RBFOX1: variants seen among roughly 807,000 people sequenced by gnomAD.
RBFOX1 encodes RNA binding protein fox-1 homolog 1.
In RBFOX1, 8 loss-of-function variants were observed where a neutral mutation model predicts 57.7. The observed-to-expected ratio is 0.14, with a 90% confidence interval of 0.08 to 0.25. The LOEUF (loss-of-function observed/expected upper bound fraction) is 0.25. Ranked by LOEUF, RBFOX1 falls within the 10% of genes least tolerant of loss-of-function variation. The pLI is 1.00. For missense variants in RBFOX1, 611 were observed against 548.5 expected (o/e 1.11, Z -1.14); for synonymous variants, 326 against 222.4 (o/e 1.47, Z -4.15).
chr16:6,637,399 A>ATAT (rs2098452324), intron 2 of RBFOX1, among the ~76,000 whole-genome samples: 1 of 68,512 alleles, frequency 1.5e-5, no homozygotes, highest in African/African-American at 6.4e-5. Flanking sequence ...ATTATATATT[A>ATAT]AATATATATA....
intron 1 of RBFOX1, among the ~76,000 whole-genome samples, chr16:6,173,693 T>G (rs972297607): frequency 3.0e-5 from 4 of 132,136 alleles, no homozygotes; most frequent in Admixed American, 8.9e-5. Context: ...CACTGCAACC[T>G]CTGCCTCTCG....
chr16:7,504,130 C>T (rs1189666299), intron 4 of RBFOX1, among the ~76,000 whole-genome samples: 2 of 152,040 alleles, frequency 1.3e-5, no homozygotes, highest in African/African-American at 4.8e-5. Context: ...TGGGTTGGTA[C>T]AAATTTCTTC....
At chr16:7,552,094 T>G (rs1567791492) in intron 5 of RBFOX1, among the ~76,000 whole-genome samples, 1 of 152,222 alleles carries the variant, frequency 6.6e-6, no homozygotes, top group Non-Finnish European at 1.5e-5. Flanking sequence ...AGTCATTTTA[T>G]CTCATTCTCT....
intron 14 of RBFOX1, among the ~76,000 whole-genome samples, chr16:7,690,179 C>G (rs867012680): frequency 3.9e-5 from 6 of 152,186 alleles, no homozygotes; most frequent in African/African-American, 1.2e-4. Flanking sequence ...AGGCCCTACC[C>G]CAGATCAATT....
chr16:5,817,140 C>T (rs1052501296), intron 3 of RBFOX1, among the ~76,000 whole-genome samples: 4 of 152,148 alleles, frequency 2.6e-5, no homozygotes, highest in African/African-American at 4.8e-5. Flanking sequence ...TCCAATTCAG[C>T]GTCGTCTTGC....
At chr16:7,201,382 G>A (rs958708838) in intron 4 of RBFOX1, among the ~76,000 whole-genome samples, 8 of 152,124 alleles carry the variant, frequency 5.3e-5, no homozygotes, top group African/African-American at 1.9e-4. Context: ...GTTAAGAAGT[G>A]GGGATTCTAT....
intron 4 of RBFOX1, among the ~76,000 whole-genome samples, chr16:7,398,436 A>G (rs931055891): frequency 6.6e-6 from 1 of 152,218 alleles, no homozygotes; most frequent in Non-Finnish European, 1.5e-5. Context: ...GAATCTCAAT[A>G]TATGGTGGCT....
intron 4 of RBFOX1, among the ~76,000 whole-genome samples, chr16:7,515,095 G>T (rs990648694): frequency 2.6e-5 from 4 of 152,054 alleles, no homozygotes; most frequent in African/African-American, 9.7e-5. Context: ...GCTGCCTCTG[G>T]CACAGTGAAT....
Position 7,001,485 on chromosome 16 carries a change from C to T in RBFOX1, c.-15-50572C>T, listed in dbSNP as rs191901875. ...GTGTATGTATATTTTGAGATGGAGT[C>T]TCGCTTTGTTGCCGAGGATGGAGTA... On this transcript the variant is annotated intron_variant, in intron 3 of 15. Transcript: ENST00000550418. Among the ~76,000 whole-genome samples, 4 of 151,238 alleles carry T rather than the reference C, an allele frequency of 2.6e-5. No homozygotes were observed. The East Asian group carries it at 7.8e-4, about 29-fold the overall frequency.
chr16:6,498,831 C>T (rs17140355), intron 2 of RBFOX1, among the ~76,000 whole-genome samples: 19,374 of 152,110 alleles, frequency 0.13, 1,753 homozygotes, highest in African/African-American at 0.24. Flanking sequence ...TCTCCTGAAG[C>T]CAAGATATGC....
At chr16:5,467,264 C>T in intron 2 of RBFOX1, 1 of 1,487,458 alleles carries the variant, frequency 6.7e-7, no homozygotes, top group Non-Finnish European at 9.1e-7. Context: ...GGTAAGTGCT[C>T]ATTTTGTCCT....
intron 2 of RBFOX1, among the ~76,000 whole-genome samples, chr16:5,479,722 C>T (rs1279420789): frequency 2.0e-5 from 3 of 152,008 alleles, no homozygotes; most frequent in African/African-American, 7.2e-5. Context: ...TCGCGCCATT[C>T]CAGCCTGAGA....
chr16:7,251,048 A>G (rs1008269708), intron 4 of RBFOX1, among the ~76,000 whole-genome samples: 1 of 152,214 alleles, frequency 6.6e-6, no homozygotes, highest in Non-Finnish European at 1.5e-5. Context: ...AGTGATTTTC[A>G]AGAACATGAT....
At chr16:7,305,847 A>G (rs1216393000) in intron 4 of RBFOX1, among the ~76,000 whole-genome samples, 1 of 152,204 alleles carries the variant, frequency 6.6e-6, no homozygotes, top group Non-Finnish European at 1.5e-5. Context: ...TCGTGCCAGA[A>G]GACATTTCCC....
chr16:6,158,174 C>G (rs905533209), intron 1 of RBFOX1, among the ~76,000 whole-genome samples: 1 of 152,146 alleles, frequency 6.6e-6, no homozygotes, highest in Non-Finnish European at 1.5e-5. Context: ...CACTAGGTAT[C>G]AGACACAATG....
intron 1 of RBFOX1, among the ~76,000 whole-genome samples, chr16:5,344,860 A>G (rs1203279275): frequency 6.6e-6 from 1 of 152,244 alleles, no homozygotes; most frequent in East Asian, 1.9e-4. Context: ...ATCATGGATG[A>G]TCTGATGAAG....
intron 3 of RBFOX1, among the ~76,000 whole-genome samples, chr16:5,821,140 C>T (rs1048628225): frequency 6.6e-6 from 1 of 152,144 alleles, no homozygotes; most frequent in African/African-American, 2.4e-5. Flanking sequence ...GACAAAGGCT[C>T]TCTGCTGCAG....
At chr16:5,988,582 G>A (rs973649757) in intron 4 of RBFOX1, among the ~76,000 whole-genome samples, 1 of 152,142 alleles carries the variant, frequency 6.6e-6, no homozygotes, top group Admixed American at 6.5e-5. Context: ...TTGGCGGCAT[G>A]AGCCTCCACT....
At chr16:6,395,933 G>T (rs2092812134) in intron 2 of RBFOX1, among the ~76,000 whole-genome samples, 1 of 151,660 alleles carries the variant, frequency 6.6e-6, no homozygotes, top group African/African-American at 2.4e-5. Context: ...GGTCATGGTG[G>T]CGTGCACCTG....
Sources: gnomAD v4.1 joint callset for allele counts (sites outside exome capture counted in the v4.1 genomes callset) on GRCh38, gnomAD v4.1.1 for gene constraint, MANE v1.5 for transcripts, NCBI Gene and HGNC (gene_info 2026-07-23, HGNC 2026-07-21) for gene names.